The following PIEZO1 variants were observed in gnomAD, a reference collection of about 807,000 sequenced individuals.
The protein encoded by PIEZO1 is piezo-type mechanosensitive ion channel component 1.
A neutral mutation model predicts 297.2 loss-of-function variants in PIEZO1; 296 were observed. The ratio of observed to expected loss-of-function variants is 1.00; its 90% confidence interval spans 0.91 to 1.10. The LOEUF is 1.10. Ranked by LOEUF, PIEZO1 falls within the 50% of genes least tolerant of loss-of-function variation. The pLI, the probability that PIEZO1 is intolerant of heterozygous loss-of-function variation, is 0.00. For synonymous variants in PIEZO1, 2,427 were observed against 1,507.5 expected (o/e 1.61, Z -14.13); for missense variants, 5,018 against 3,455.5 (o/e 1.45, Z -11.34).
rs1027054301 is a variant in PIEZO1 at position 88,727,059 on chromosome 16, C to A, written c.3435G>T (p.Val1145=). The change falls in exon 24 of 51, where the codon GTG becomes GTT. Residue 1145 remains valine (V), a synonymous_variant. Transcript: ENST00000301015. ...LEPLRGEPNP[V]PNFIHCRSYL... is the part of the protein sequence containing the mutation. The stretch of plus-strand genomic sequence containing the variant: ...CCCACCTGCAGTGGATAAAGTTGGG[C>A]ACGGGGTTGGGCTCCCCCCGCAGCG... 1 of 1,549,056 alleles carries A rather than the reference C, an allele frequency of 6.5e-7. No individual in the cohort carries two copies. Among genetic ancestry groups the A allele is most frequent in the Non-Finnish European group, 8.7e-7 (1 of 1,146,002 alleles).
chr16:88,719,253 TTC>T lies in PIEZO1; in HGVS notation c.6471+319_6471+320del, dbSNP rs148497807. 3.3e-3 allele frequency: 1,048 copies of T among 319,122 alleles called. 11 individuals carry two copies. Among genetic ancestry groups the T allele is most frequent in the African/African-American group, 0.015 (731 of 47,190 alleles). 19.8% of individuals were successfully genotyped at this position (319,122 alleles called of 1,614,324 possible). On this transcript the variant is annotated intron_variant, in intron 44 of 50. Transcript: ENST00000301015. ...GTGGGGGAGTGGTCTGACGCACGAA[TTC>T]TCTCTGAGAAAGGCCATTAAACAAG...
In PIEZO1 at chr16:88,722,302, G is replaced by T; in HGVS notation, c.4871C>A (p.Ala1624Glu). The T allele has an allele frequency of 1.9e-6, 3 of 1,548,062 alleles. No individual in the cohort carries two copies. The South Asian group carries it at 3.6e-5, about 18-fold the overall frequency. The change falls in exon 36 of 51, where the codon GCA becomes GAA. Residue 1624 changes from alanine (A) to glutamate (E), a missense_variant. By Grantham distance (107) the Ala-to-Glu change is moderately radical. Transcript: ENST00000301015. The part of the protein sequence containing the change: ...GYHTRSGSEE[A>E]VTDPGEREAG... ...CTCACGCTCCCCGGGGTCGGTGACT[G>T]CCTCCTCACTGCCACTGCGCGTGTG...
Position 88,722,990 on chromosome 16 carries a change from C to G in PIEZO1, c.4515G>C (p.Gln1505His), listed in dbSNP as rs1350824633. ...GGAACTGCGCCGTGCTCAGCACCCT[C>G]TGCACCACATGGCTCCGGCCTGCGG... ...EAAAGRSHVV[Q>H]RVLSTAQFLW... is the part of the protein sequence containing the mutation. The change falls in exon 34 of 51, where the codon CAG (glutamine) becomes CAC (histidine). Residue 1505 changes from glutamine (Q) to histidine (H), a missense_variant. Transcript: ENST00000301015. 2 of 1,547,880 alleles carry G rather than the reference C, an allele frequency of 1.3e-6. No individual in the cohort carries two copies. Among genetic ancestry groups the G allele is most frequent in the East Asian group, 4.9e-5 (2 of 40,924 alleles).
At chr16:88,763,774 AG>A (rs1324423216) in intron 1 of PIEZO1, among the ~76,000 whole-genome samples, 2 of 152,176 alleles carry the variant, frequency 1.3e-5, no homozygotes, top group African/African-American at 4.8e-5. Context: ...TGGGTAAACA[AG>A]GTCGCTCTGT....
chr16:88,731,582 G>A (rs1463530023), intron 22 of PIEZO1, 124 bp downstream of exon 22: 2 of 688,722 alleles, frequency 2.9e-6, no homozygotes, highest in Non-Finnish European at 2.5e-6. Flanking sequence ...CAGAGAGGAG[G>A]GACTGGAGGA....
In PIEZO1 at chr16:88,716,416, T is replaced by G. The variant is rs1474540172; in HGVS notation, c.6994A>C (p.Ser2332Arg). The change falls in exon 48 of 51, where the codon AGC becomes CGC. Residue 2332 changes from serine (S) to arginine (R), a missense_variant. Transcript: ENST00000301015. Reference protein sequence around the residue: ...EKHMLALAPNSTARRQLASLL... With the variant: ...EKHMLALAPNRTARRQLASLL... ...CTGGCCAGCTGCCGCCGTGCAGTGC[T>G]GTTGGGGGCCAGGGCCAGCATGTGC... is the stretch of plus-strand genomic sequence containing the variant. The G allele has an allele frequency of 1.3e-6, 2 of 1,549,690 alleles. No homozygotes were observed. Among genetic ancestry groups the G allele is most frequent in the Non-Finnish European group, 1.7e-6 (2 of 1,146,644 alleles).
At chr16:88,733,776 C>G in intron 17 of PIEZO1, 31 bp from the exon 18 acceptor site, 1 of 1,497,424 alleles carries the variant, frequency 6.7e-7, no homozygotes, top group South Asian at 1.3e-5. Context: ...GTGCGGGGCA[C>G]AAACGGGGAT....
rs573391046 is a variant in PIEZO1 at position 88,716,384 on chromosome 16, G to C, written c.7026C>G (p.Leu2342=). 1.1e-5 allele frequency: 17 copies of C among 1,546,026 alleles called. No individual in the cohort carries two copies. Among genetic ancestry groups the C allele is most frequent in the Non-Finnish European group, 1.5e-5 (17 of 1,144,474 alleles). The change falls in exon 48 of 51, where the codon CTC becomes CTG. Residue 2342 remains leucine (L), a synonymous_variant. Transcript: ENST00000301015. Reference sequence around the variant, plus strand: ...ACACAGACTGGTCCGAGGTGCCCTCGAGCAGGCTGGCCAGCTGCCGCCGTG... The same window carrying C: ...ACACAGACTGGTCCGAGGTGCCCTCCAGCAGGCTGGCCAGCTGCCGCCGTG... ...STARRQLASL[L]EGTSDQSVVI...
At position 88,720,379 on chromosome 16, in the gene PIEZO1, G is replaced by A. The variant is rs1175338887; in HGVS notation, c.5949+6C>T. ...ACACTGGGTTTGGGTCCCGGGCCTG[G>A]CTCACCCCAAAGGCCCAGAAGCCAA... is the stretch of plus-strand genomic sequence containing the variant. On this transcript the variant is annotated splice_donor_region_variant and intron_variant, in intron 41 of 50. Coordinates refer to ENST00000301015, the MANE Select transcript of PIEZO1 (RefSeq NM_001142864.4). The A allele has an allele frequency of 2.9e-5, 45 of 1,550,166 alleles. No homozygotes were observed. The highest frequency in any genetic ancestry group is 3.7e-5 in the Non-Finnish European group (42 of 1,146,926).
At chr16:88,747,737 G>A (rs527780106) in intron 2 of PIEZO1, among the ~76,000 whole-genome samples, 1 of 152,374 alleles carries the variant, frequency 6.6e-6, no homozygotes, top group East Asian at 1.9e-4. Context: ...GGAAATGGGG[G>A]CTGCCCAACA....
intron 1 of PIEZO1, among the ~76,000 whole-genome samples, chr16:88,772,524 T>TATAC (rs1907470775): frequency 6.6e-6 from 1 of 152,138 alleles, no homozygotes; most frequent in Non-Finnish European, 1.5e-5. Flanking sequence ...CTCACGCCTG[T>TATAC]AATCCCAGCA....
In PIEZO1 at chr16:88,738,311, A is replaced by G. The variant is rs1337007870; in HGVS notation, c.764T>C (p.Phe255Ser). The G allele has an allele frequency of 6.5e-7, 1 of 1,535,812 alleles. No homozygotes were observed. The highest frequency in any genetic ancestry group is 2.4e-5 in the East Asian group (1 of 40,918). ...FSRLCVAVGC[F>S]GAGHLICLYC... ...GAGGCAGATGAGATGGCCGGCGCCG[A>G]AGCACCCCACCGCGACGCAGAGTCT... The change falls in exon 7 of 51, where the codon TTC becomes TCC. Residue 255 changes from phenylalanine (F) to serine (S), a missense_variant. Coordinates refer to ENST00000301015, the MANE Select transcript of PIEZO1 (RefSeq NM_001142864.4).
rs981525904 is a variant in PIEZO1, at chr16:88,722,605, TGGG to T, written c.4750_4752del (p.Pro1584del). The T allele has an allele frequency of 3.3e-6, 5 of 1,537,278 alleles. No individual in the cohort carries two copies. The African/African-American group carries it at 6.9e-5, about 21-fold the overall frequency. ...TACCTGGACACGGTGCTTGGGGCAT[TGGG>T]GGCCTCGGTGGGGCCTGGCAGCGTG... is the stretch of plus-strand genomic sequence containing the variant. On this transcript the variant is annotated inframe_deletion, in exon 35 of 51. Coordinates refer to ENST00000301015, the MANE Select transcript of PIEZO1 (RefSeq NM_001142864.4).
chr16:88,747,913 G>C (rs996216683), intron 2 of PIEZO1, among the ~76,000 whole-genome samples: 5 of 152,192 alleles, frequency 3.3e-5, no homozygotes, highest in Non-Finnish European at 5.9e-5. Context: ...CAGGAAGGTA[G>C]GCACCTGGAG....
chr16:88,717,836 A>G (rs985021427), intron 44 of PIEZO1: 2 of 440,418 alleles, frequency 4.5e-6, no homozygotes, highest in South Asian at 1.7e-5. Flanking sequence ...AAACTCTAAT[A>G]AAAAACAACC....
chr16:88,721,894 G>T lies in PIEZO1; in HGVS notation c.5128C>A (p.Leu1710Met). The T allele has an allele frequency of 1.9e-6, 3 of 1,550,108 alleles. No homozygotes were observed. In the South Asian group the frequency reaches 3.6e-5, roughly 18 times the overall value. The part of the protein sequence containing the change: ...MVTASAGSLV[L>M]PVLVFLWAML... ...GCCCACAGGAAGACGAGCACGGGCA[G>T]CACCAGCGAGCCGGCGGAGGCCGTG... Residue 1710 changes from leucine to methionine, a missense_variant, in exon 37 of 51, where the codon CTG (leucine) becomes ATG (methionine). Physicochemically the swap from Leu to Met is conservative, Grantham distance 15. Coordinates refer to ENST00000301015, the MANE Select transcript of PIEZO1 (RefSeq NM_001142864.4).
At chr16:88,716,317 A>G (rs1172652034) in intron 48 of PIEZO1, 40 bp from the exon 49 acceptor site, 2 of 1,498,164 alleles carry the variant, frequency 1.3e-6, no homozygotes, top group African/African-American at 1.4e-5. Flanking sequence ...GGCCCAGCCA[A>G]CCTGGCACAG....
chr16:88,718,851 G>A (rs1912228823), intron 44 of PIEZO1: 1 of 153,866 alleles, frequency 6.5e-6, no homozygotes. Flanking sequence ...GGGAGCACAA[G>A]TGTGCACCAT....
chr16:88,727,569 TG>T lies in PIEZO1; in HGVS notation c.3288del (p.Thr1097ProfsTer62). The T allele has an allele frequency of 6.7e-7, 1 of 1,484,964 alleles. No homozygotes were observed. Among genetic ancestry groups the T allele is most frequent in the Non-Finnish European group, 9.1e-7 (1 of 1,097,788 alleles). The allele number at this position is 1,484,964 out of a possible 1,614,324, so 92.0% of individuals were successfully genotyped here. ...GGGGGGCACTCACTGATGAGGTTGG[TG>T]GAGTTGGGGGCCCGGAAGAAATCAG... Reference protein sequence around the residue: ...YLPDFFRAPNSTNLISDFLLL... With the variant: ...YLPDFFRAPNXTNLISDFLLL... On this transcript the variant is annotated frameshift_variant, in exon 23 of 51. Transcript: ENST00000301015. LOFTEE classifies it high-confidence loss of function.
Sources: gnomAD v4.1 joint callset for allele counts (sites outside exome capture counted in the v4.1 genomes callset) on GRCh38, gnomAD v4.1.1 for gene constraint, MANE v1.5 for transcripts, NCBI Gene and HGNC (gene_info 2026-07-23, HGNC 2026-07-21) for gene names.